Variants in GALNT17 observed in about 807,000 individuals in gnomAD.
GALNT17 encodes the protein polypeptide N-acetylgalactosaminyltransferase 17, also known as UDP-GalNAc:polypeptide N-acetylgalactosaminyltransferase-like 3.
A neutral mutation model predicts 63.7 loss-of-function variants in GALNT17; 29 were observed. That is an observed-to-expected ratio of 0.46 (90% CI 0.34 to 0.62). The LOEUF (loss-of-function observed/expected upper bound fraction) is 0.62. Among genes scored for constraint, GALNT17 ranks in the 20% least tolerant of loss-of-function variants. The pLI is 0.01. For missense variants in GALNT17, 603 were observed against 799.6 expected (o/e 0.75, Z 2.97); for synonymous variants, 305 against 318.3 (o/e 0.96, Z 0.45).
intron 4 of GALNT17, among the ~76,000 whole-genome samples, chr7:71,419,557 G>A (rs1188997526): frequency 2.0e-5 from 3 of 152,210 alleles, no homozygotes; most frequent in African/African-American, 4.8e-5. Flanking sequence ...ATAAGGTGGG[G>A]AAAATGATCT....
At chr7:71,611,421 A>G (rs1257654050) in intron 6 of GALNT17, among the ~76,000 whole-genome samples, 1 of 152,166 alleles carries the variant, frequency 6.6e-6, no homozygotes, top group African/African-American at 2.4e-5. Context: ...TCCTCTGCTT[A>G]TATTTGATTT....
intron 6 of GALNT17, among the ~76,000 whole-genome samples, chr7:71,629,519 G>A (rs540895442): frequency 6.6e-6 from 1 of 152,022 alleles, no homozygotes; most frequent in Non-Finnish European, 1.5e-5. Context: ...ACAGGGTCTC[G>A]CTTTGTCACC....
At chr7:71,349,252 G>C (rs1201980686) in intron 2 of GALNT17, among the ~76,000 whole-genome samples, 2 of 152,184 alleles carry the variant, frequency 1.3e-5, no homozygotes, top group Non-Finnish European at 2.9e-5. Flanking sequence ...GAGATTTACA[G>C]GCTTGTAAGA....
chr7:71,137,141 TTTTTTTTTTTTTTTTTGAGAC>T (rs1426168494), intron 1 of GALNT17, among the ~76,000 whole-genome samples: 6 of 124,020 alleles, frequency 4.8e-5, no homozygotes, highest in Non-Finnish European at 1.1e-4. Flanking sequence ...ATTTTTGACT[TTTTTTTTTTTTTTTTTGAGAC>T]AGAGTCTTGC....
intron 5 of GALNT17, among the ~76,000 whole-genome samples, chr7:71,444,376 C>T (rs1368393962): frequency 2.6e-5 from 4 of 152,152 alleles, no homozygotes; most frequent in Non-Finnish European, 5.9e-5. Flanking sequence ...GGCTAATGTA[C>T]GTGGCCTCCT....
At chr7:71,567,599 G>A (rs950296295) in intron 5 of GALNT17, among the ~76,000 whole-genome samples, 4 of 152,282 alleles carry the variant, frequency 2.6e-5, no homozygotes, top group Middle Eastern at 3.4e-3. Context: ...TCAATAGCTG[G>A]GGTTACAGGT....
intron 5 of GALNT17, among the ~76,000 whole-genome samples, chr7:71,564,587 G>C (rs937725571): frequency 9.0e-6 from 1 of 111,296 alleles, no homozygotes; most frequent in Non-Finnish European, 1.9e-5. Context: ...CACCCAGCCA[G>C]TTAGGACAAT....
intron 1 of GALNT17, among the ~76,000 whole-genome samples, chr7:71,332,451 G>C (rs1012770812): frequency 1.3e-5 from 2 of 152,122 alleles, no homozygotes; most frequent in African/African-American, 4.8e-5. Context: ...CTCCCTCTCT[G>C]AGAGCAGACA....
chr7:71,702,254 A>G (rs10807736), intron 9 of GALNT17, among the ~76,000 whole-genome samples: 98,009 of 151,784 alleles, frequency 0.65, 32,135 homozygotes, highest in East Asian at 0.92. Context: ...TGTAACAAAT[A>G]TGTACACTAC....
intron 1 of GALNT17, among the ~76,000 whole-genome samples, chr7:71,332,191 C>G (rs1343936664): frequency 2.0e-5 from 3 of 152,056 alleles, no homozygotes; most frequent in Admixed American, 6.6e-5. Flanking sequence ...TAAATTCAGA[C>G]AAACATATGT....
chr7:71,345,405 A>G (rs1320396848), intron 2 of GALNT17, among the ~76,000 whole-genome samples: 2 of 152,168 alleles, frequency 1.3e-5, no homozygotes, highest in African/African-American at 4.8e-5. Flanking sequence ...TTATAAATCC[A>G]GATGTCAGGT....
At chr7:71,169,735 T>A (rs1344950278) in intron 1 of GALNT17, among the ~76,000 whole-genome samples, 1 of 152,058 alleles carries the variant, frequency 6.6e-6, no homozygotes, top group Non-Finnish European at 1.5e-5. Flanking sequence ...TTGCTATTAT[T>A]TGTAGAGACG....
chr7:71,176,204 G>C (rs1788635817), intron 1 of GALNT17, among the ~76,000 whole-genome samples: 1 of 151,960 alleles, frequency 6.6e-6, no homozygotes, highest in Admixed American at 6.6e-5. Context: ...GAACAATACT[G>C]AATTTTAGGA....
intron 1 of GALNT17, among the ~76,000 whole-genome samples, chr7:71,194,618 G>A (rs1299390212): frequency 6.6e-6 from 1 of 152,128 alleles, no homozygotes; most frequent in Non-Finnish European, 1.5e-5. Context: ...TGACAGCCTG[G>A]GCCCTGAGCA....
intron 7 of GALNT17, 150 bp from the exon 8 acceptor site, chr7:71,669,822 A>C: frequency 1.1e-6 from 1 of 918,198 alleles, no homozygotes; most frequent in Non-Finnish European, 1.6e-6. Flanking sequence ...CTGCCTCCTA[A>C]AGTGCTGGGA....
intron 8 of GALNT17, among the ~76,000 whole-genome samples, chr7:71,671,189 C>T (rs1169535249): frequency 6.6e-6 from 1 of 152,052 alleles, no homozygotes; most frequent in African/African-American, 2.4e-5. Context: ...TATAGAAACA[C>T]TCATGCATCC....
chr7:71,249,788 T>C (rs938215528), intron 1 of GALNT17, among the ~76,000 whole-genome samples: 2 of 152,262 alleles, frequency 1.3e-5, no homozygotes, highest in Admixed American at 1.3e-4. Flanking sequence ...TTGGTGGTGC[T>C]TAATAAATTA....
rs763584449 is a variant in GALNT17, at chr7:71,132,903, G to T, written c.101G>T (p.Arg34Leu). Residue 34 changes from arginine to leucine, a missense_variant, in exon 1 of 11, where the codon CGC (arginine) becomes CTC (leucine). By Grantham distance (102) the Arg-to-Leu change is moderately radical (BLOSUM62 -2). Around this residue, in one of 3 missense-constraint regions of GALNT17, gnomAD observed 195 missense variants for 215.0 expected, o/e 0.91. Transcript: ENST00000333538. ...FLAKCRPIAV[R>L]SGDAFHEIRP... The stretch of plus-strand genomic sequence containing the variant: ...GCCAAGTGCCGGCCCATCGCGGTGC[G>T]CAGCGGAGACGCCTTCCACGAGATC... The T allele has an allele frequency of 1.9e-6, 3 of 1,612,614 alleles. No individual in the cohort carries two copies. The highest frequency in any genetic ancestry group is 1.7e-6 in the Non-Finnish European group (2 of 1,179,568).
At chr7:71,338,706 C>T (rs1791956365) in intron 2 of GALNT17, among the ~76,000 whole-genome samples, 2 of 152,156 alleles carry the variant, frequency 1.3e-5, no homozygotes, top group South Asian at 4.1e-4. Flanking sequence ...AACAGATTCT[C>T]CATTTTCTAT....
Sources: gnomAD v4.1 joint callset for allele counts (sites outside exome capture counted in the v4.1 genomes callset) on GRCh38, gnomAD v4.1.1 for gene constraint, gnomAD v4.1.1 regional missense constraint, MANE v1.5 for transcripts, NCBI Gene and HGNC (gene_info 2026-07-23, HGNC 2026-07-21) for gene names.